GDF1: variants seen among roughly 807,000 people sequenced by gnomAD.
The protein encoded by GDF1 is embryonic growth/differentiation factor 1.
A neutral mutation model predicts 7.4 loss-of-function variants in GDF1; 8 were observed. That is an observed-to-expected ratio of 1.09 (90% CI 0.64 to 1.96). The LOEUF is 1.96. GDF1 is among the 30% of genes most tolerant of loss of function. The pLI, the probability that GDF1 is intolerant of heterozygous loss-of-function variation, is 0.00. For missense variants in GDF1, 574 were observed against 551.5 expected (o/e 1.04, Z -0.41); for synonymous variants, 311 against 276.7 (o/e 1.12, Z -1.23).
At chr19:18,869,513 G>A in intron 7 of GDF1, 123 bp from the exon 8 acceptor site, 2 of 1,290,584 alleles carry the variant, frequency 1.5e-6, no homozygotes, top group South Asian at 1.5e-5. Flanking sequence ...TGGGAAGGGT[G>A]TGAAGCGGCG....
rs1275370347 is a variant in GDF1 at position 18,895,986 on chromosome 19, G to C, written c.-1236C>G. The C allele has an allele frequency of 2.9e-6, 3 of 1,041,812 alleles. No homozygotes were observed. The highest frequency in any genetic ancestry group is 3.5e-6 in the Non-Finnish European group (3 of 867,072). 64.5% of individuals were successfully genotyped at this position (1,041,812 alleles called of 1,614,324 possible). ...TGCAGCCCCGCGCCGCCGCCAGCGC[G>C]CTGCCCCAGCCGCGCTGCACTAGCT... On this transcript the variant is annotated 5_prime_UTR_variant, in exon 1 of 8. Coordinates refer to ENST00000247005, the MANE Select transcript of GDF1 (RefSeq NM_001492.6). The surrounding 1 kb of genome is among the most constrained non-coding windows in gnomAD (Gnocchi z 6.4).
intron 6 of GDF1, among the ~76,000 whole-genome samples, chr19:18,871,780 C>A (rs2055975186): frequency 6.6e-6 from 1 of 152,222 alleles, no homozygotes; most frequent in African/African-American, 2.4e-5. Flanking sequence ...CTTGCTTGGA[C>A]CTCCCATCTG....
intron 5 of GDF1, 52 bp from the exon 6 acceptor site, chr19:18,879,091 C>A: frequency 1.2e-6 from 2 of 1,600,418 alleles, no homozygotes; most frequent in Non-Finnish European, 1.7e-6. Context: ...CACGCCACTG[C>A]CCTGCTGACA....
In GDF1 at chr19:18,868,991, G is replaced by A; in HGVS notation, c.725C>T (p.Pro242Leu). The A allele has an allele frequency of 3.6e-6, 4 of 1,110,066 alleles. No individual in the cohort carries two copies. The highest frequency in any genetic ancestry group is 4.4e-6 in the Non-Finnish European group (4 of 910,678). 68.8% of individuals were successfully genotyped at this position (1,110,066 alleles called of 1,614,324 possible). Residue 242 changes from proline to leucine, a missense_variant, in exon 8 of 8, where the codon CCG becomes CTG. By Grantham distance (98) the Pro-to-Leu change is moderately conservative. Coordinates refer to ENST00000247005, the MANE Select transcript of GDF1 (RefSeq NM_001492.6). Reference protein sequence around the residue: ...EASLLLVTLDPRLCHPLARPR... With the variant: ...EASLLLVTLDLRLCHPLARPR... Reference sequence around the variant, plus strand: ...CCGGGCCAGGGGGTGGCACAGGCGCGGGTCGAGGGTCACCAGCAGCAGCGA... The same window carrying A: ...CCGGGCCAGGGGGTGGCACAGGCGCAGGTCGAGGGTCACCAGCAGCAGCGA...
chr19:18,879,203 G>T, intron 5 of GDF1, 38 bp downstream of exon 5: 1 of 1,611,832 alleles, frequency 6.2e-7, no homozygotes, highest in South Asian at 1.1e-5. Context: ...GGACGAGGAC[G>T]GGACCGCCAC....
chr19:18,884,840 A>C (rs146724200), intron 2 of GDF1, among the ~76,000 whole-genome samples: 1,891 of 150,390 alleles, frequency 0.013, 41 homozygotes, highest in African/African-American at 0.043. Context: ...CAGCCTCCAG[A>C]GTAGCTGGGA....
In GDF1 at chr19:18,895,898, C is replaced by T; in HGVS notation, c.-1148G>A. On this transcript the variant is annotated 5_prime_UTR_variant, in exon 1 of 8. Coordinates refer to ENST00000247005, the MANE Select transcript of GDF1 (RefSeq NM_001492.6). This position sits in a 1 kb window ranked among gnomAD's most constrained non-coding sequence, Gnocchi z 6.4. Reference sequence around the variant, plus strand: ...GCGCCGAGCGCCAGCAGCAGCAGCTCGGGCGGCGCCAGGTGCGCGTGCTCA... The same window carrying T: ...GCGCCGAGCGCCAGCAGCAGCAGCTTGGGCGGCGCCAGGTGCGCGTGCTCA... 8 of 1,260,426 alleles carry T rather than the reference C, an allele frequency of 6.3e-6. No homozygotes were observed. The highest frequency in any genetic ancestry group is 2.2e-5 in the South Asian group (1 of 44,728). 78.1% of individuals were successfully genotyped at this position (1,260,426 alleles called of 1,614,324 possible).
intron 6 of GDF1, among the ~76,000 whole-genome samples, chr19:18,872,040 C>A (rs1343422045): frequency 6.6e-6 from 1 of 152,226 alleles, no homozygotes; most frequent in Non-Finnish European, 1.5e-5. Flanking sequence ...CCGTGCTTTC[C>A]ATTCCTGCCC....
Position 18,870,933 on chromosome 19 carries a change from C to A in GDF1, c.-312-314G>T, listed in dbSNP as rs1011941440. ...CCAGGCCGCTGGAGGGCAAAACCCA[C>A]GTACCGGCCTGGGCCTGACAACTCC... is the stretch of plus-strand genomic sequence containing the variant. On this transcript the variant is annotated intron_variant, in intron 6 of 7. Coordinates refer to ENST00000247005, the MANE Select transcript of GDF1 (RefSeq NM_001492.6). The surrounding 1 kb of genome is among the most constrained non-coding windows in gnomAD (Gnocchi z 5.1). Among the ~76,000 whole-genome samples, 9 of 152,166 alleles carry A rather than the reference C, an allele frequency of 5.9e-5. No individual in the cohort carries two copies. Among genetic ancestry groups the A allele is most frequent in the African/African-American group, 2.2e-4 (9 of 41,442 alleles).
In GDF1 at chr19:18,893,457, G is replaced by A; in HGVS notation, c.-955C>T. On this transcript the variant is annotated 5_prime_UTR_variant, in exon 2 of 8. Coordinates refer to ENST00000247005, the MANE Select transcript of GDF1 (RefSeq NM_001492.6). ...TGGGTCATGGAAGAAGGGGTAGTCG[G>A]TGCCAAACAGCAGGTAGGCACTGTA... 1.2e-6 allele frequency: 2 copies of A among 1,606,446 alleles called. No individual in the cohort carries two copies. Among genetic ancestry groups the A allele is most frequent in the Non-Finnish European group, 1.7e-6 (2 of 1,176,748 alleles).
chr19:18,891,764 T>A (rs2056496427), intron 2 of GDF1, among the ~76,000 whole-genome samples: 1 of 150,678 alleles, frequency 6.6e-6, no homozygotes, highest in Non-Finnish European at 1.5e-5. Context: ...GAGATGGAGG[T>A]CTTACCATGT....
At position 18,870,221 on chromosome 19, in the gene GDF1, G is replaced by T; in HGVS notation, c.87C>A (p.Ala29=). 1 of 1,556,196 alleles carries T rather than the reference G, an allele frequency of 6.4e-7. No homozygotes were observed. Residue 29 remains alanine, a synonymous_variant, in exon 7 of 8, where the codon GCC becomes GCA. Coordinates refer to ENST00000247005, the MANE Select transcript of GDF1 (RefSeq NM_001492.6). This position sits in a 1 kb window ranked among gnomAD's most constrained non-coding sequence, Gnocchi z 5.1. The stretch of plus-strand genomic sequence containing the variant: ...CGGCGGCTGGGCCTGGGGGCACGGG[G>T]GCGCGGGTCAGGGGCAGCGAGGGCA... ...LLLPSLPLTR[A]PVPPGPAAAL...
At chr19:18,879,532 CCTT>C (rs1202884774) in intron 4 of GDF1, 144 bp from the exon 5 acceptor site, 1 of 1,011,624 alleles carries the variant, frequency 9.9e-7, no homozygotes, top group Non-Finnish European at 1.4e-6. Flanking sequence ...ACTGCTCTGT[CCTT>C]CCCCTCCCCT....
Position 18,896,148 on chromosome 19 carries a change from G to C in GDF1, c.-1398C>G. The C allele has an allele frequency of 1.8e-6, 1 of 542,566 alleles. No homozygotes were observed. The highest frequency in any genetic ancestry group is 2.3e-6 in the Non-Finnish European group (1 of 428,914). 33.6% of individuals were successfully genotyped at this position (542,566 alleles called of 1,614,324 possible). A position where few individuals can be genotyped will look rare whatever the true frequency, so the allele number is the denominator to read the frequency against. ...GACGGAGCCGCGCGCCCCGCGTCAC[G>C]CGCCGCAGCTGGGCCGGGGGCGCGC... On this transcript the variant is annotated 5_prime_UTR_variant, in exon 1 of 8. Coordinates refer to ENST00000247005, the MANE Select transcript of GDF1 (RefSeq NM_001492.6). This position sits in a 1 kb window ranked among gnomAD's most constrained non-coding sequence, Gnocchi z 5.9.
rs2056623033 is a variant in GDF1, at chr19:18,896,139, C to G, written c.-1389G>C. On this transcript the variant is annotated 5_prime_UTR_variant, in exon 1 of 8. Transcript: ENST00000247005. This position sits in a 1 kb window ranked among gnomAD's most constrained non-coding sequence, Gnocchi z 5.9. ...GCGGTAGCCGACGGAGCCGCGCGCCCCGCGTCACGCGCCGCAGCTGGGCCG... is the reference window on the plus strand; with the variant it reads ...GCGGTAGCCGACGGAGCCGCGCGCCGCGCGTCACGCGCCGCAGCTGGGCCG... The G allele has an allele frequency of 4.9e-6, 3 of 606,400 alleles. No individual in the cohort carries two copies. Among genetic ancestry groups the G allele is most frequent in the Non-Finnish European group, 6.2e-6 (3 of 486,808 alleles). 37.6% of individuals were successfully genotyped at this position (606,400 alleles called of 1,614,324 possible).
chr19:18,884,348 G>A, intron 2 of GDF1, 81 bp from the exon 3 acceptor site: 3 of 1,339,800 alleles, frequency 2.2e-6, no homozygotes, highest in Non-Finnish European at 2.0e-6. Context: ...CACCCTCCAA[G>A]CCACACGTGT....
At chr19:18,873,936 G>A (rs989245263) in intron 6 of GDF1, among the ~76,000 whole-genome samples, 1 of 152,028 alleles carries the variant, frequency 6.6e-6, no homozygotes, top group African/African-American at 2.4e-5. Flanking sequence ...TCTTCGGGAT[G>A]GGGGGAGGAA....
intron 1 of GDF1, among the ~76,000 whole-genome samples, chr19:18,894,387 G>C (rs955162282): frequency 6.6e-6 from 1 of 152,144 alleles, no homozygotes; most frequent in Admixed American, 6.5e-5. Flanking sequence ...GCTGGAGCCG[G>C]CTCCGGTAAC....
In GDF1 at chr19:18,870,399, AG is replaced by A; in HGVS notation, c.-93del. 8.2e-7 allele frequency: 1 copy of A among 1,221,132 alleles called. No homozygotes were observed. The highest frequency in any genetic ancestry group is 1.1e-6 in the Non-Finnish European group (1 of 918,674). The allele number at this position is 1,221,132 out of a possible 1,614,324, so 75.6% of individuals were successfully genotyped here. ...GCGGGGCCGGTGTCCCCGGAGGGGC[AG>A]GGGTCCTGGGGGGCGTGGCCGGGAA... On this transcript the variant is annotated 5_prime_UTR_variant, in exon 7 of 8. Transcript: ENST00000247005. The surrounding 1 kb of genome is among the most constrained non-coding windows in gnomAD (Gnocchi z 5.1).
Sources: gnomAD v4.1 joint callset for allele counts (sites outside exome capture counted in the v4.1 genomes callset) on GRCh38, gnomAD v4.1.1 for gene constraint, Gnocchi (gnomAD v3.1) non-coding constraint, MANE v1.5 for transcripts, NCBI Gene and HGNC (gene_info 2026-07-23, HGNC 2026-07-21) for gene names.